Variants in CA10 observed in about 807,000 individuals in gnomAD.
CA10 encodes the protein carbonic anhydrase 10 (inactive).
CA10 carries 14 observed loss-of-function variants against 44.2 expected under a neutral mutation model. The observed-to-expected ratio is 0.32, with a 90% CI of 0.21 to 0.50. CA10 has a LOEUF of 0.50. CA10 is among the 20% of genes least tolerant of loss of function. CA10 has a pLI of 0.99. For missense variants in CA10, 350 were observed against 409.7 expected, an observed-to-expected ratio of 0.85 and a Z score of 1.26; for synonymous variants, 159 against 141.6, an observed-to-expected ratio of 1.12 and a Z score of -0.87.
chr17:51,715,979 C>T (rs774235270), intron 4 of CA10, among the ~76,000 whole-genome samples: 2 of 152,252 alleles, frequency 1.3e-5, no homozygotes, highest in Admixed American at 6.5e-5. Context: ...CATAAGCCAC[C>T]GTGCCCGGCC....
At chr17:51,813,437 T>C (rs558906676) in intron 3 of CA10, among the ~76,000 whole-genome samples, 17 of 152,338 alleles carry the variant, frequency 1.1e-4, no homozygotes, top group African/African-American at 4.1e-4. Flanking sequence ...TGTGCTTACA[T>C]GTGAAATAAG....
intron 1 of CA10, among the ~76,000 whole-genome samples, chr17:52,097,022 C>A (rs1034673333): frequency 6.6e-6 from 1 of 152,084 alleles, no homozygotes; most frequent in African/African-American, 2.4e-5. Context: ...CTGGATCCAC[C>A]CCACTTCTGC....
intron 2 of CA10, among the ~76,000 whole-genome samples, chr17:52,056,021 G>C (rs898715946): frequency 2.0e-5 from 3 of 152,118 alleles, no homozygotes; most frequent in African/African-American, 7.2e-5. Context: ...GGGAGATTTT[G>C]TAGTAGTTCA....
chr17:52,050,244 C>T (rs891427272), intron 2 of CA10, among the ~76,000 whole-genome samples: 1 of 151,832 alleles, frequency 6.6e-6, no homozygotes, highest in African/African-American at 2.4e-5. Flanking sequence ...ATTCATCCTT[C>T]GTTGCTTTTT....
At chr17:51,870,736 C>T (rs530064019) in intron 3 of CA10, among the ~76,000 whole-genome samples, 81 of 152,288 alleles carry the variant, frequency 5.3e-4, no homozygotes, top group African/African-American at 1.5e-3. Context: ...CAATCCTTTG[C>T]CCTCTGATCA....
intron 3 of CA10, among the ~76,000 whole-genome samples, chr17:51,871,016 T>TC (rs1004662214): frequency 4.7e-5 from 7 of 148,932 alleles, no homozygotes; most frequent in African/African-American, 1.2e-4. Flanking sequence ...TTTCCACCCC[T>TC]CCCTCCTTCC....
intron 1 of CA10, among the ~76,000 whole-genome samples, chr17:52,099,666 G>C (rs929168054): frequency 6.6e-6 from 1 of 152,176 alleles, no homozygotes; most frequent in Non-Finnish European, 1.5e-5. Context: ...ATGTGCTGTC[G>C]GGCAAGAGCA....
intron 2 of CA10, among the ~76,000 whole-genome samples, chr17:51,992,405 T>A (rs1469840448): frequency 6.6e-6 from 1 of 152,154 alleles, no homozygotes; most frequent in Non-Finnish European, 1.5e-5. Context: ...TTTGCTTTTC[T>A]GAGATCTGGA....
intron 1 of CA10, among the ~76,000 whole-genome samples, chr17:52,076,199 T>C (rs976790380): frequency 6.6e-6 from 1 of 152,176 alleles, no homozygotes; most frequent in African/African-American, 2.4e-5. Flanking sequence ...CGAACTGAAA[T>C]ATCAATTTAA....
At chr17:51,831,968 C>T (rs1047884573) in intron 3 of CA10, among the ~76,000 whole-genome samples, 1 of 152,148 alleles carries the variant, frequency 6.6e-6, no homozygotes, top group African/African-American at 2.4e-5. Context: ...CTTGCTCCCT[C>T]GTTGACAAGA....
chr17:51,784,204 G>A (rs949210868), intron 3 of CA10, among the ~76,000 whole-genome samples: 4 of 152,134 alleles, frequency 2.6e-5, no homozygotes, highest in Admixed American at 1.3e-4. Context: ...AGAGGAGCTG[G>A]CTGGACCCCA....
intron 1 of CA10, among the ~76,000 whole-genome samples, chr17:52,108,699 C>CAAAAAAAAAA (rs759411898): frequency 5.4e-5 from 5 of 91,840 alleles, no homozygotes; most frequent in Non-Finnish European, 1.2e-4. Context: ...GACTCCGTCT[C>CAAAAAAAAAA]AAAAAAAAAA....
intron 3 of CA10, among the ~76,000 whole-genome samples, chr17:51,904,555 T>C (rs1981459722): frequency 6.6e-6 from 1 of 151,952 alleles, no homozygotes; most frequent in Non-Finnish European, 1.5e-5. Context: ...TTCACCAGAG[T>C]ATAGAAAAAA....
chr17:52,102,199 A>AG, intron 1 of CA10, among the ~76,000 whole-genome samples: 2 of 152,136 alleles, frequency 1.3e-5, no homozygotes, highest in Non-Finnish European at 1.5e-5. Flanking sequence ...CTAAACACCA[A>AG]GATTCTCAGG....
At chr17:52,145,752 C>G (rs1005426164) in intron 1 of CA10, among the ~76,000 whole-genome samples, 1 of 152,150 alleles carries the variant, frequency 6.6e-6, no homozygotes, top group Non-Finnish European at 1.5e-5. Context: ...AGTCACTATT[C>G]TACATACTTG....
chr17:51,957,560 T>C (rs1983713276), intron 2 of CA10, among the ~76,000 whole-genome samples: 1 of 152,104 alleles, frequency 6.6e-6, no homozygotes, highest in South Asian at 2.1e-4. Context: ...AAGGCCAAGT[T>C]GTAACCATCT....
intron 2 of CA10, among the ~76,000 whole-genome samples, chr17:51,941,040 G>A (rs377452782): frequency 2.6e-5 from 4 of 152,128 alleles, no homozygotes; most frequent in African/African-American, 7.2e-5. Flanking sequence ...CATAATTGCA[G>A]TCCCCAAAGA....
chr17:52,128,184 T>C (rs1567742424), intron 1 of CA10, among the ~76,000 whole-genome samples: 1 of 152,238 alleles, frequency 6.6e-6, no homozygotes. Context: ...CTCCTAAGCC[T>C]GTTTATCTCT....
chr17:51,690,569 A>C (rs548658590), intron 4 of CA10, among the ~76,000 whole-genome samples: 1 of 152,130 alleles, frequency 6.6e-6, no homozygotes, highest in Non-Finnish European at 1.5e-5. Context: ...GGGTATTCCC[A>C]TGCTGTTCTT....
Sources: gnomAD v4.1 joint callset for allele counts (sites outside exome capture counted in the v4.1 genomes callset) on GRCh38, gnomAD v4.1.1 for gene constraint, MANE v1.5 for transcripts, NCBI Gene and HGNC (gene_info 2026-07-23, HGNC 2026-07-21) for gene names.